The following DLG2 variants were observed in gnomAD, a reference collection of about 807,000 sequenced individuals.
DLG2 encodes the protein disks large homolog 2.
In DLG2, 45 loss-of-function variants were observed where a neutral mutation model predicts 132.5. The observed-to-expected ratio is 0.34, with a 90% confidence interval of 0.27 to 0.44. The LOEUF (loss-of-function observed/expected upper bound fraction) is 0.44, where lower values mean the gene tolerates loss of function less well. DLG2 is among the 20% of genes least tolerant of loss of function. DLG2 has a pLI of 1.00. For synonymous variants in DLG2, 424 were observed against 419.6 expected (o/e 1.01, Z -0.13); for missense variants, 1,045 against 1,196.9 (o/e 0.87, Z 1.87).
At chr11:84,430,552 G>A (rs530114986) in intron 7 of DLG2, among the ~76,000 whole-genome samples, 9 of 152,004 alleles carry the variant, frequency 5.9e-5, no homozygotes, top group Admixed American at 5.2e-4. Context: ...ATGTAATAAT[G>A]CTCGAGTAAA....
chr11:84,981,410 G>A (rs994283627), intron 6 of DLG2, among the ~76,000 whole-genome samples: 2 of 152,142 alleles, frequency 1.3e-5, no homozygotes, highest in African/African-American at 2.4e-5. Flanking sequence ...ATAGGAAGCA[G>A]TGTTGAGTAA....
At chr11:84,703,884 ACACGTGTG>A (rs2059488690) in intron 6 of DLG2, among the ~76,000 whole-genome samples, 1 of 121,176 alleles carries the variant, frequency 8.3e-6, no homozygotes, top group African/African-American at 4.0e-5. Flanking sequence ...ATATATATAT[ACACGTGTG>A]TGTGTGTGTG....
intron 9 of DLG2, among the ~76,000 whole-genome samples, chr11:84,119,586 G>A (rs1042594694): frequency 4.6e-5 from 7 of 151,966 alleles, no homozygotes; most frequent in African/African-American, 1.7e-4. Context: ...GAGAATTAAA[G>A]CAGGAAATCT....
At chr11:84,584,217 G>C (rs1300147033) in intron 6 of DLG2, among the ~76,000 whole-genome samples, 2 of 152,096 alleles carry the variant, frequency 1.3e-5, no homozygotes, top group Non-Finnish European at 2.9e-5. Context: ...ATATAATTGA[G>C]TATAAAATGG....
rs531859174 is a variant in DLG2, at chr11:84,378,094, A to T, written c.520-126803T>A. On this transcript the variant is annotated intron_variant, in intron 7 of 27. Transcript: ENST00000376104. Reference sequence around the variant, plus strand: ...TGTTCTTCTGCCTCCAAATTCATATATTGAAGCCGTAACACTGACTGTGGC... The same window carrying T: ...TGTTCTTCTGCCTCCAAATTCATATTTTGAAGCCGTAACACTGACTGTGGC... Among the ~76,000 whole-genome samples, 477 of 152,290 alleles carry T rather than the reference A, an allele frequency of 3.1e-3. 17 individuals are homozygous for T. The East Asian group carries it at 0.072, about 23-fold the overall frequency.
chr11:84,108,748 T>C (rs894568175), intron 9 of DLG2, among the ~76,000 whole-genome samples: 1 of 149,960 alleles, frequency 6.7e-6, no homozygotes, highest in Non-Finnish European at 1.5e-5. Flanking sequence ...ATACTTTTTA[T>C]TGTGTACAAA....
At chr11:84,660,448 T>G (rs1360069799) in intron 6 of DLG2, among the ~76,000 whole-genome samples, 5 of 152,176 alleles carry the variant, frequency 3.3e-5, no homozygotes, top group Admixed American at 3.3e-4. Context: ...GGTATCTGCA[T>G]CACCATAATG....
At chr11:85,472,926 C>T (rs1478818656) in intron 3 of DLG2, among the ~76,000 whole-genome samples, 2 of 152,216 alleles carry the variant, frequency 1.3e-5, no homozygotes, top group Non-Finnish European at 2.9e-5. Flanking sequence ...GAGTTGCAAC[C>T]CTTCTGGGAG....
At chr11:84,252,310 C>T (rs556090473) in intron 7 of DLG2, among the ~76,000 whole-genome samples, 1 of 151,512 alleles carries the variant, frequency 6.6e-6, no homozygotes, top group South Asian at 2.1e-4. Flanking sequence ...GCCACCATGC[C>T]CAGCTAATTT....
At chr11:85,529,962 G>A (rs1035420223) in intron 3 of DLG2, among the ~76,000 whole-genome samples, 3 of 151,656 alleles carry the variant, frequency 2.0e-5, no homozygotes, top group Non-Finnish European at 4.4e-5. Context: ...GTAAACTTAG[G>A]GGTAGATCTG....
At chr11:85,366,016 T>G (rs2084524483) in intron 3 of DLG2, among the ~76,000 whole-genome samples, 1 of 152,144 alleles carries the variant, frequency 6.6e-6, no homozygotes, top group Non-Finnish European at 1.5e-5. Context: ...CCATGGCACA[T>G]GTATACCTAT....
intron 6 of DLG2, among the ~76,000 whole-genome samples, chr11:85,045,102 G>A (rs530682152): frequency 1.3e-5 from 2 of 151,912 alleles, no homozygotes; most frequent in Non-Finnish European, 2.9e-5. Context: ...TTCCTCTTGG[G>A]AACAAGTAAG....
intron 6 of DLG2, among the ~76,000 whole-genome samples, chr11:84,683,901 C>T (rs2153711632): frequency 6.6e-6 from 1 of 152,202 alleles, no homozygotes; most frequent in Non-Finnish European, 1.5e-5. Flanking sequence ...TAAATGTTGA[C>T]TTATTTTTAG....
intron 14 of DLG2, among the ~76,000 whole-genome samples, chr11:83,939,824 AG>A (rs920426609): frequency 2.0e-5 from 3 of 152,186 alleles, no homozygotes; most frequent in African/African-American, 7.2e-5. Context: ...CAAACTCTAC[AG>A]GGGGGAACAC....
At chr11:85,428,187 A>C (rs1158829559) in intron 3 of DLG2, among the ~76,000 whole-genome samples, 2 of 152,228 alleles carry the variant, frequency 1.3e-5, no homozygotes, top group African/African-American at 2.4e-5. Flanking sequence ...GGGAGACTAT[A>C]ACACCCCACT....
intron 18 of DLG2, among the ~76,000 whole-genome samples, chr11:83,744,690 A>G (rs954357642): frequency 1.3e-5 from 2 of 152,052 alleles, no homozygotes; most frequent in African/African-American, 2.4e-5. Context: ...TACCACTTCA[A>G]TTTCATAGCT....
intron 6 of DLG2, among the ~76,000 whole-genome samples, chr11:85,034,178 C>G (rs559386490): frequency 2.6e-5 from 4 of 151,444 alleles, no homozygotes; most frequent in Non-Finnish European, 5.9e-5. Flanking sequence ...CCCAGGTTCA[C>G]GCCATTCTCC....
At chr11:85,611,191 C>A (rs1336843499) in intron 2 of DLG2, among the ~76,000 whole-genome samples, 2 of 152,196 alleles carry the variant, frequency 1.3e-5, no homozygotes, top group Non-Finnish European at 2.9e-5. Context: ...GCTGGCCTCA[C>A]TGTTTAAGGG....
chr11:84,397,107 C>T (rs932495037), intron 7 of DLG2, among the ~76,000 whole-genome samples: 3 of 151,830 alleles, frequency 2.0e-5, no homozygotes, highest in Non-Finnish European at 4.4e-5. Context: ...TGATTCTTAA[C>T]GAATGAATGA....
Sources: gnomAD v4.1 joint callset for allele counts (sites outside exome capture counted in the v4.1 genomes callset) on GRCh38, gnomAD v4.1.1 for gene constraint, MANE v1.5 for transcripts, NCBI Gene and HGNC (gene_info 2026-07-23, HGNC 2026-07-21) for gene names.